The following PDGFB variants were observed in gnomAD, a reference collection of about 807,000 sequenced individuals.
PDGFB encodes the protein platelet-derived growth factor subunit B.
In PDGFB, 6 loss-of-function variants were observed where a neutral mutation model predicts 29.0. The observed-to-expected ratio is 0.21, with a 90% CI of 0.11 to 0.41. PDGFB has a LOEUF of 0.41. Ranked by LOEUF, PDGFB falls within the 10% of genes least tolerant of loss-of-function variation. PDGFB has a pLI of 1.00. For missense variants in PDGFB, 299 were observed against 341.8 expected, an observed-to-expected ratio of 0.87 and a Z score of 0.99; for synonymous variants, 144 against 140.8, an observed-to-expected ratio of 1.02 and a Z score of -0.16.
At chr22:39,240,780 G>A (rs1450051665) in intron 1 of PDGFB, 2 of 1,524,190 alleles carry the variant, frequency 1.3e-6, no homozygotes, top group Non-Finnish European at 1.8e-6. Flanking sequence ...AAATAAACCA[G>A]AACATAGGAA....
chr22:39,230,116 G>A lies in PDGFB; in HGVS notation c.569C>T (p.Thr190Ile). 1 of 1,613,888 alleles carries A rather than the reference G, an allele frequency of 6.2e-7. No homozygotes were observed. Among genetic ancestry groups the A allele is most frequent in the South Asian group, 1.1e-5 (1 of 91,086 alleles). Residue 190 changes from threonine (T) to isoleucine (I), a missense_variant, in exon 5 of 7, where the codon ACC becomes ATC. Transcript: ENST00000331163. The part of the protein sequence containing the change: ...CETVAAARPV[T>I]RSPGGSQEQR... ...CTCCTGGGAACCCCCCGGGCTTCGG[G>A]TCACAGGCCGTGCAGCTGCCACTGT... is the stretch of plus-strand genomic sequence containing the variant.
chr22:39,234,019 A>G, intron 2 of PDGFB, among the ~76,000 whole-genome samples: 1 of 19,668 alleles, frequency 5.1e-5, no homozygotes, highest in Admixed American at 9.2e-4. Flanking sequence ...CCACGGAGGG[A>G]GGGAGGGAGG....
chr22:39,239,097 T>C (rs560354883), intron 1 of PDGFB, among the ~76,000 whole-genome samples: 1 of 152,344 alleles, frequency 6.6e-6, no homozygotes, highest in African/African-American at 2.4e-5. Context: ...CCGGGGTTAC[T>C]GGGAGGCATA....
chr22:39,231,219 G>A lies in PDGFB; in HGVS notation c.456+403C>T, dbSNP rs897244968. ...CTCAAGACAGCCCTGAATAGGGAGA[G>A]CTTTGGGGGAACCTGAGTAGCTCCC... On this transcript the variant is annotated intron_variant, in intron 4 of 6. Transcript: ENST00000331163. The surrounding 1 kb of genome is among the most constrained non-coding windows in gnomAD (Gnocchi z 4.3). Among the ~76,000 whole-genome samples the A allele has an allele frequency of 2.0e-5, 3 of 152,250 alleles. No individual in the cohort carries two copies. The highest frequency in any genetic ancestry group is 4.4e-5 in the Non-Finnish European group (3 of 68,044).
rs1381925241 is a variant in PDGFB, at chr22:39,224,158, C to G, written c.*1184G>C. 1 of 152,264 alleles carries G rather than the reference C, an allele frequency of 6.6e-6. No individual in the cohort carries two copies. Among genetic ancestry groups the G allele is most frequent in the Non-Finnish European group, 1.5e-5 (1 of 68,062 alleles). The allele number at this position is 152,264 out of a possible 1,614,324, so 9.4% of individuals were successfully genotyped here. On this transcript the variant is annotated 3_prime_UTR_variant, in exon 7 of 7. Coordinates refer to ENST00000331163, the MANE Select transcript of PDGFB (RefSeq NM_002608.4). ...TCCCTGCCCCTACCACAGTCTCCCT[C>G]CTATTTGGCCACTCCAAGCCACAGG...
At position 39,243,276 on chromosome 22, in the gene PDGFB, C is replaced by T. The variant is rs867876648; in HGVS notation, c.63+625G>A. On this transcript the variant is annotated intron_variant, in intron 1 of 6. Transcript: ENST00000331163. The surrounding 1 kb of genome is among the most constrained non-coding windows in gnomAD (Gnocchi z 6.4). ...CGTCTCTCTCTCTCTCTCTCTCTTT[C>T]TCTCTCTCTCTCTCTCTCTCCCTGT... Among the ~76,000 whole-genome samples, 5,645 of 137,018 alleles carry T rather than the reference C, an allele frequency of 0.041. 293 individuals carry two copies. Among genetic ancestry groups the T allele is most frequent in the African/African-American group, 0.15 (5,238 of 34,496 alleles). 89.9% of individuals were successfully genotyped at this position (137,018 alleles called of 152,430 possible). A position where few individuals can be genotyped will look rare whatever the true frequency, so the allele number is the denominator to read the frequency against.
chr22:39,231,393 C>T lies in PDGFB; in HGVS notation c.456+229G>A, dbSNP rs1369769144. ...CGGGGGGTCTGTCTGTGGCTTTTGG[C>T]TACAGTGGCCTGAGCCACCTCAGAG... On this transcript the variant is annotated intron_variant, in intron 4 of 6. Coordinates refer to ENST00000331163, the MANE Select transcript of PDGFB (RefSeq NM_002608.4). This position sits in a 1 kb window ranked among gnomAD's most constrained non-coding sequence, Gnocchi z 4.3. 6.6e-6 allele frequency among the ~76,000 whole-genome samples: 1 copy of T among 152,174 alleles called. No homozygotes were observed. Among genetic ancestry groups the T allele is most frequent in the African/African-American group, 2.4e-5 (1 of 41,450 alleles).
intron 5 of PDGFB, 25 bp from the exon 6 acceptor site, chr22:39,225,872 G>C: frequency 1.2e-6 from 2 of 1,603,466 alleles, no homozygotes; most frequent in Non-Finnish European, 8.5e-7. Flanking sequence ...GAAAGACCTC[G>C]TCAGCATGTG....
intron 1 of PDGFB, chr22:39,241,143 C>T (rs530457103): frequency 1.8e-5 from 10 of 553,750 alleles, no homozygotes; most frequent in South Asian, 4.4e-5. Flanking sequence ...TGAGGCCAGA[C>T]GCGTCACGTG....
Position 39,231,649 on chromosome 22 carries a change from G to T in PDGFB, c.429C>A (p.Pro143=). The stretch of plus-strand genomic sequence containing the variant: ...GGACAGGTCGCAGCTGCACCTGGGT[G>T]GGGCGGCACTGCACGTTGCGGTTGT... ...CCNNRNVQCR[P]TQVQLRPVQV... The change falls in exon 4 of 7, where the codon CCC becomes CCA. Residue 143 remains proline (P), a synonymous_variant. Coordinates refer to ENST00000331163, the MANE Select transcript of PDGFB (RefSeq NM_002608.4). The surrounding 1 kb of genome is among the most constrained non-coding windows in gnomAD (Gnocchi z 4.3). 6.3e-7 allele frequency: 1 copy of T among 1,579,810 alleles called. No homozygotes were observed. Among genetic ancestry groups the T allele is most frequent in the Admixed American group, 1.8e-5 (1 of 55,092 alleles).
chr22:39,230,294 T>A (rs945973570), intron 4 of PDGFB, 66 bp from the exon 5 acceptor site: 11 of 1,544,116 alleles, frequency 7.1e-6, no homozygotes, highest in African/African-American at 5.4e-5. Flanking sequence ...GAAGCCCGAA[T>A]GGCTTGCGCT....
intron 2 of PDGFB, 84 bp from the exon 3 acceptor site, chr22:39,233,608 GGTTT>G: frequency 1.1e-6 from 1 of 872,954 alleles, no homozygotes; most frequent in Non-Finnish European, 1.8e-6. Context: ...GCAGGCGGGA[GGTTT>G]GCCTCTCCCC....
At chr22:39,237,379 T>C (rs1485472206) in intron 1 of PDGFB, among the ~76,000 whole-genome samples, 1 of 152,102 alleles carries the variant, frequency 6.6e-6, no homozygotes, top group African/African-American at 2.4e-5. Context: ...ACATGGAGCT[T>C]ACAACTCCGC....
intron 1 of PDGFB, chr22:39,241,211 G>T (rs898730928): frequency 6.4e-6 from 3 of 466,736 alleles, no homozygotes; most frequent in East Asian, 3.6e-5. Context: ...CACCTCAGAG[G>T]CCTCGGCAGG....
chr22:39,236,694 C>T (rs1172912579), intron 1 of PDGFB, among the ~76,000 whole-genome samples: 1 of 152,232 alleles, frequency 6.6e-6, no homozygotes, highest in African/African-American at 2.4e-5. Context: ...CCACGTCCCC[C>T]ACAGTCCCAG....
chr22:39,235,808 G>A lies in PDGFB; in HGVS notation c.130C>T (p.Leu44Phe), dbSNP rs1932429000. ...SDHSIRSFDD[L>F]QRLLHGDPGE... is the part of the protein sequence containing the mutation. ...GGGTCTCCGTGCAGCAGGCGTTGGA[G>A]ATCATCAAAGGAGCGGATCGAGTGG... The change falls in exon 2 of 7, where the codon CTC becomes TTC. Residue 44 changes from leucine to phenylalanine, a missense_variant. Physicochemically the swap from Leu to Phe is conservative, Grantham distance 22 (BLOSUM62 0). Coordinates refer to ENST00000331163, the MANE Select transcript of PDGFB (RefSeq NM_002608.4). The A allele has an allele frequency of 1.2e-6, 2 of 1,613,912 alleles. No homozygotes were observed. The highest frequency in any genetic ancestry group is 1.7e-6 in the Non-Finnish European group (2 of 1,179,838).
rs55634318 is a variant in PDGFB at position 39,231,625 on chromosome 22, G to C, written c.453C>G (p.Val151=). 0.014 allele frequency: 21,385 copies of C among 1,562,296 alleles called. 176 individuals carry two copies. Among genetic ancestry groups the C allele is most frequent in the African/African-American group, 0.038 (2,825 of 73,954 alleles). ...CRPTQVQLRP[V]QVRKIEIVRK... ...GGGGGCCGCGGAGCCTACGCACCTG[G>C]ACAGGTCGCAGCTGCACCTGGGTGG... The change falls in exon 4 of 7, where the codon GTC becomes GTG. Residue 151 remains valine, a synonymous_variant. Coordinates refer to ENST00000331163, the MANE Select transcript of PDGFB (RefSeq NM_002608.4). The surrounding 1 kb of genome is among the most constrained non-coding windows in gnomAD (Gnocchi z 4.3).
At position 39,243,321 on chromosome 22, in the gene PDGFB, G is replaced by T. The variant is rs894607766; in HGVS notation, c.63+580C>A. Among the ~76,000 whole-genome samples, 8 of 147,988 alleles carry T rather than the reference G, an allele frequency of 5.4e-5. No homozygotes were observed. The highest frequency in any genetic ancestry group is 4.0e-4 in the Admixed American group (6 of 15,036). On this transcript the variant is annotated intron_variant, in intron 1 of 6. Transcript: ENST00000331163. The surrounding 1 kb of genome is among the most constrained non-coding windows in gnomAD (Gnocchi z 6.4). ...CCCTGTTACTCCCACCCCAAACCCC[G>T]CGCCCGAGACACAAGCTGCTTCCAG...
At chr22:39,241,431 A>T (rs1014954209) in intron 1 of PDGFB, among the ~76,000 whole-genome samples, 2 of 152,234 alleles carry the variant, frequency 1.3e-5, no homozygotes, top group African/African-American at 4.8e-5. Context: ...CCTGAGGCTC[A>T]CTCAGGCTTA....
Sources: gnomAD v4.1 joint callset for allele counts (sites outside exome capture counted in the v4.1 genomes callset) on GRCh38, gnomAD v4.1.1 for gene constraint, Gnocchi (gnomAD v3.1) non-coding constraint, MANE v1.5 for transcripts, NCBI Gene and HGNC (gene_info 2026-07-23, HGNC 2026-07-21) for gene names.